The following GARNL3 variants were observed in gnomAD, a reference collection of about 807,000 sequenced individuals.
GARNL3 encodes the protein GTPase-activating Rap/Ran-GAP domain-like protein 3.
In GARNL3, 63 loss-of-function variants were observed where a neutral mutation model predicts 125.0. That is an observed-to-expected ratio of 0.50 (90% confidence interval 0.41 to 0.62). The LOEUF (loss-of-function observed/expected upper bound fraction) is 0.62, where lower values mean the gene tolerates loss of function less well. GARNL3 is among the 20% of genes least tolerant of loss of function. The pLI, the probability that GARNL3 is intolerant of heterozygous loss-of-function variation, is 0.00. For synonymous variants in GARNL3, 439 were observed against 457.5 expected, an observed-to-expected ratio of 0.96 and a Z score of 0.52; for missense variants, 994 against 1,244.0, an observed-to-expected ratio of 0.80 and a Z score of 3.02.
chr9:127,393,040 TG>T, intron 27 of GARNL3, 42 bp from the exon 28 acceptor site: 1 of 1,510,108 alleles, frequency 6.6e-7, no homozygotes, highest in Non-Finnish European at 9.1e-7. Flanking sequence ...CCCAGTTCTG[TG>T]GTACTCCCAA....
chr9:127,393,048 C>G (rs373969393), intron 27 of GARNL3, 35 bp from the exon 28 acceptor site: 85 of 1,549,966 alleles, frequency 5.5e-5, no homozygotes, highest in Non-Finnish European at 7.2e-5. Context: ...TGTGGTACTC[C>G]CAAAGATCCT....
chr9:127,338,298 C>G (rs1404610200), intron 12 of GARNL3, 137 bp downstream of exon 12: 2 of 703,826 alleles, frequency 2.8e-6, no homozygotes, highest in East Asian at 2.6e-5. Context: ...AAACTTTCTT[C>G]AAGGCCACCA....
intron 22 of GARNL3, among the ~76,000 whole-genome samples, chr9:127,378,613 A>G (rs967739276): frequency 6.6e-6 from 1 of 150,790 alleles, no homozygotes; most frequent in African/African-American, 2.4e-5. Flanking sequence ...AAACAGATAA[A>G]GGCATGAGCA....
upstream of GARNL3, among the ~76,000 whole-genome samples, chr9:127,260,114 T>A (rs979287783): frequency 2.2e-4 from 34 of 152,212 alleles, no homozygotes; most frequent in African/African-American, 8.2e-4. Context: ...ATGAAGGAAC[T>A]AATTCCCAGA....
At chr9:127,373,362 T>A (rs1831710189) in intron 22 of GARNL3, among the ~76,000 whole-genome samples, 1 of 152,138 alleles carries the variant, frequency 6.6e-6, no homozygotes, top group Non-Finnish European at 1.5e-5. Context: ...CATAGGAATA[T>A]AGGTTAAATG....
chr9:127,224,866 AC>A (rs912829323), intron 1 of GARNL3, among the ~76,000 whole-genome samples: 2 of 107,958 alleles, frequency 1.9e-5, no homozygotes, highest in African/African-American at 7.0e-5. Flanking sequence ...GGCGGCAAGA[AC>A]CCCGCGGGGC....
upstream of GARNL3, among the ~76,000 whole-genome samples, chr9:127,259,033 G>A (rs1465173332): frequency 6.6e-6 from 1 of 152,204 alleles, no homozygotes. Context: ...CCACTGCTGA[G>A]TCCTGGCCTT....
At position 127,370,805 on chromosome 9, in the gene GARNL3, C is replaced by A. The variant is rs535721127; in HGVS notation, c.2161+5439C>A. Among the ~76,000 whole-genome samples, 3 of 152,182 alleles carry A rather than the reference C, an allele frequency of 2.0e-5. No individual in the cohort carries two copies. The South Asian group carries it at 6.2e-4, about 32-fold the overall frequency. On this transcript the variant is annotated intron_variant, in intron 22 of 27. Transcript: ENST00000373387. ...CGCTGGCATTCCAGAGGGCCCTGTC[C>A]TCGCCTTTCCATCTGGCGTGCTCAT... is the stretch of plus-strand genomic sequence containing the variant.
chr9:127,327,366 T>C (rs1240365641), intron 7 of GARNL3, among the ~76,000 whole-genome samples: 2 of 152,014 alleles, frequency 1.3e-5, no homozygotes, highest in Admixed American at 1.3e-4. Flanking sequence ...GTGGGGTGTG[T>C]GGTGAGGGGG....
chr9:127,344,069 AC>A (rs1830009274), intron 14 of GARNL3, among the ~76,000 whole-genome samples, 165 bp from the exon 15 acceptor site: 1 of 152,134 alleles, frequency 6.6e-6, no homozygotes, highest in Non-Finnish European at 1.5e-5. Flanking sequence ...TCTAGTATCT[AC>A]CATGGACCTG....
At chr9:127,344,435 C>A in intron 15 of GARNL3, 96 bp downstream of exon 15, 2 of 800,558 alleles carry the variant, frequency 2.5e-6, no homozygotes, top group Non-Finnish European at 4.3e-6. Context: ...TTGCCTGCTG[C>A]TGTAGGAGCT....
intron 5 of GARNL3, 104 bp downstream of exon 5, chr9:127,318,231 T>A (rs988253020): frequency 7.8e-5 from 62 of 793,636 alleles, no homozygotes; most frequent in Non-Finnish European, 1.3e-4. Flanking sequence ...TCTTGAGCCT[T>A]GACTGTGTGT....
chr9:127,265,113 G>A (rs2063674997), intron 1 of GARNL3, 92 bp downstream of exon 1: 3 of 1,076,032 alleles, frequency 2.8e-6, no homozygotes, highest in Non-Finnish European at 4.0e-6. Context: ...TATATTTACT[G>A]TTAGACCATG....
intron 12 of GARNL3, among the ~76,000 whole-genome samples, chr9:127,339,378 G>A (rs1003947836): frequency 2.6e-5 from 4 of 151,936 alleles, no homozygotes; most frequent in African/African-American, 9.7e-5. Flanking sequence ...GGAGGCAAAA[G>A]TCATGTCTTA....
intron 1 of GARNL3, among the ~76,000 whole-genome samples, chr9:127,290,583 C>A (rs532053311): frequency 1.3e-5 from 2 of 152,242 alleles, no homozygotes; most frequent in Non-Finnish European, 2.9e-5. Context: ...AAGTGCCAAG[C>A]CCTGGTGTGT....
chr9:127,243,497 C>G (rs1469085223), intron 2 of GARNL3, among the ~76,000 whole-genome samples: 1 of 152,154 alleles, frequency 6.6e-6, no homozygotes, highest in African/African-American at 2.4e-5. Flanking sequence ...TTCTTGTCAT[C>G]AGTGGGCTTG....
intron 1 of GARNL3, among the ~76,000 whole-genome samples, chr9:127,240,154 G>T (rs977275767): frequency 4.6e-5 from 7 of 152,280 alleles, no homozygotes; most frequent in Non-Finnish European, 1.0e-4. Flanking sequence ...ATAAAGGTTT[G>T]CAGATAGAGA....
intron 7 of GARNL3, 108 bp downstream of exon 7, chr9:127,325,203 A>G (rs1009453864): frequency 2.9e-6 from 3 of 1,052,352 alleles, no homozygotes; most frequent in Non-Finnish European, 4.4e-6. Flanking sequence ...ATCTCCATGT[A>G]GATTTGCACA....
At position 127,379,876 on chromosome 9, in the gene GARNL3, A is replaced by G. The variant is rs539030782; in HGVS notation, c.2162-3562A>G. Among the ~76,000 whole-genome samples, 12 of 152,280 alleles carry G rather than the reference A, an allele frequency of 7.9e-5. 1 individual carries two copies. In the South Asian group the frequency reaches 2.5e-3, roughly 32 times the overall value. On this transcript the variant is annotated intron_variant, in intron 22 of 27. Coordinates refer to ENST00000373387, the MANE Select transcript of GARNL3 (RefSeq NM_032293.5). Reference sequence around the variant, plus strand: ...CTGAATAAAAATACTTGAAGGAGAAATACCAAAATGCTATCAGTACTGGCC... The same window carrying G: ...CTGAATAAAAATACTTGAAGGAGAAGTACCAAAATGCTATCAGTACTGGCC...
Sources: allele counts gnomAD v4.1 joint callset (sites outside exome capture counted in the v4.1 genomes callset), GRCh38; gene constraint gnomAD v4.1.1; transcripts MANE v1.5; gene names NCBI Gene and HGNC (gene_info 2026-07-23, HGNC 2026-07-21).